HVCN1: variants seen among roughly 807,000 people sequenced by gnomAD.
HVCN1 encodes voltage-gated hydrogen channel 1.
In HVCN1, 14 loss-of-function variants were observed where a neutral mutation model predicts 29.2. The ratio of observed to expected loss-of-function variants is 0.48; its 90% CI spans 0.32 to 0.75. The LOEUF (loss-of-function observed/expected upper bound fraction) is 0.75, where lower values mean the gene tolerates loss of function less well. Ranked by LOEUF, HVCN1 falls within the 30% of genes least tolerant of loss-of-function variation. HVCN1 has a pLI of 0.04. For missense variants in HVCN1, 263 were observed against 341.8 expected (o/e 0.77, Z 1.82); for synonymous variants, 131 against 133.2 (o/e 0.98, Z 0.11).
rs545370127 is a variant in HVCN1 at position 110,650,389 on chromosome 12, C to A, written c.644-109G>T. The A allele has an allele frequency of 7.1e-5, 47 of 659,896 alleles. No homozygotes were observed. The African/African-American group carries it at 8.0e-4, about 11-fold the overall frequency. 40.9% of individuals were successfully genotyped at this position (659,896 alleles called of 1,614,324 possible). ...GAGTTTGGAGGAGTGGTGACAGACA[C>A]GCGAGACAGTCATCACTTTAGGGCA... On this transcript the variant is annotated intron_variant, in intron 6 of 7. Coordinates refer to ENST00000242607, the MANE Select transcript of HVCN1 (RefSeq NM_032369.4).
At chr12:110,688,135 T>A (rs2069267118) in intron 2 of HVCN1, 1 of 152,382 alleles carries the variant, frequency 6.6e-6, no homozygotes, top group Non-Finnish European at 1.5e-5. Flanking sequence ...AACCATGAAC[T>A]TTTGGTAGTA....
At chr12:110,686,378 T>G (rs1181875771) in intron 2 of HVCN1, among the ~76,000 whole-genome samples, 1 of 151,976 alleles carries the variant, frequency 6.6e-6, no homozygotes, top group East Asian at 1.9e-4. Flanking sequence ...CACAGTTACA[T>G]GCTGAGGGTG....
At chr12:110,689,303 C>G (rs2069341462), upstream of HVCN1, 1 of 152,282 alleles carries the variant, frequency 6.6e-6, no homozygotes. The surrounding 1 kb of genome is among the most constrained non-coding windows in gnomAD (Gnocchi z 5.7). Flanking sequence ...TCCACCCGTT[C>G]GTCCCTACCT....
intron 3 of HVCN1, among the ~76,000 whole-genome samples, chr12:110,663,842 TTCC>T (rs1416136032): frequency 2.6e-5 from 4 of 152,200 alleles, no homozygotes; most frequent in Non-Finnish European, 5.9e-5. Context: ...TCTCCTGGTT[TTCC>T]TCCTATCTCA....
rs1331915114 is a variant in HVCN1 at position 110,680,496 on chromosome 12, A to G, written c.21+2729T>C. On this transcript the variant is annotated intron_variant, in intron 3 of 7. Coordinates refer to ENST00000242607, the MANE Select transcript of HVCN1 (RefSeq NM_032369.4). Reference sequence around the variant, plus strand: ...GACCTATAGCCTTGATCTATTTATTACTATTGTGAAAAAAGGAACAAAAGA... The same window carrying G: ...GACCTATAGCCTTGATCTATTTATTGCTATTGTGAAAAAAGGAACAAAAGA... Among the ~76,000 whole-genome samples, 3 of 152,236 alleles carry G rather than the reference A, an allele frequency of 2.0e-5. No homozygotes were observed. The East Asian group carries it at 5.8e-4, about 29-fold the overall frequency.
rs146212442 is a variant in HVCN1 at position 110,677,016 on chromosome 12, C to T, written c.21+6209G>A. ...TTCAGGAGTTCAAGACCAGCCTGGG[C>T]AACAGAGTGAGACTCCGTCTCTACA... On this transcript the variant is annotated intron_variant, in intron 3 of 7. Coordinates refer to ENST00000242607, the MANE Select transcript of HVCN1 (RefSeq NM_032369.4). Among the ~76,000 whole-genome samples, 487 of 152,122 alleles carry T rather than the reference C, an allele frequency of 3.2e-3. 3 individuals carry two copies. The highest frequency in any genetic ancestry group is 0.011 in the African/African-American group (472 of 41,482).
intron 3 of HVCN1, among the ~76,000 whole-genome samples, chr12:110,666,340 G>A (rs527412749): frequency 3.5e-4 from 53 of 151,492 alleles, no homozygotes; most frequent in African/African-American, 1.2e-3. Flanking sequence ...GGAGAATGGC[G>A]TGAACCCAGG....
chr12:110,658,277 G>A lies in HVCN1; in HGVS notation c.306+2887C>T, dbSNP rs915040156. On this transcript the variant is annotated intron_variant, in intron 4 of 7. Transcript: ENST00000242607. This position sits in a 1 kb window ranked among gnomAD's most constrained non-coding sequence, Gnocchi z 5.0. The stretch of plus-strand genomic sequence containing the variant: ...ACCACCCAAGAAAGGGATCCCAGGA[G>A]CTTCCTGGATGCCGATCCTACCTGC... Among the ~76,000 whole-genome samples, 1 of 152,110 alleles carries A rather than the reference G, an allele frequency of 6.6e-6. No individual in the cohort carries two copies. Among genetic ancestry groups the A allele is most frequent in the East Asian group, 1.9e-4 (1 of 5,196 alleles).
rs1346961747 is a variant in HVCN1 at position 110,661,279 on chromosome 12, C to A, written c.191G>T (p.Gly64Val). The A allele has an allele frequency of 1.9e-6, 3 of 1,614,082 alleles. No individual in the cohort carries two copies. Among genetic ancestry groups the A allele is most frequent in the African/African-American group, 2.7e-5 (2 of 74,934 alleles). Residue 64 changes from glycine (G) to valine (V), a missense_variant, in exon 4 of 8, where the codon GGC becomes GTC. Physicochemically the swap from Gly to Val is moderately radical, Grantham distance 109. Around this residue, in one of 3 missense-constraint regions of HVCN1, gnomAD observed 157 missense variants for 181.3 expected, o/e 0.87. Coordinates refer to ENST00000242607, the MANE Select transcript of HVCN1 (RefSeq NM_032369.4). The surrounding 1 kb of genome is among the most constrained non-coding windows in gnomAD (Gnocchi z 6.2). ...EEQPPPTPVS[G>V]EEGRAAAPDV... ...AGGGGCTGCAGCTCTGCCTTCCTCG[C>A]CTGAGACTGGTGTGGGTGGTGGCTG...
chr12:110,698,370 C>G (rs1649987856), intron 2 of HVCN1, among the ~76,000 whole-genome samples: 1 of 152,186 alleles, frequency 6.6e-6, no homozygotes, highest in Admixed American at 6.6e-5. Context: ...GAAATATGCT[C>G]TAACTCACTT....
Position 110,651,199 on chromosome 12 carries a change from G to A in HVCN1, c.643+18C>T. Reference sequence around the variant, plus strand: ...GCCCCTACTCTCCATCCACAGCCTGGGAGTGCAGGAGACGTACCATTGATG... The same window carrying A: ...GCCCCTACTCTCCATCCACAGCCTGAGAGTGCAGGAGACGTACCATTGATG... On this transcript the variant is annotated intron_variant, in intron 6 of 7. Coordinates refer to ENST00000242607, the MANE Select transcript of HVCN1 (RefSeq NM_032369.4). 1 of 1,571,368 alleles carries A rather than the reference G, an allele frequency of 6.4e-7. No individual in the cohort carries two copies. The highest frequency in any genetic ancestry group is 8.8e-7 in the Non-Finnish European group (1 of 1,141,404).
At chr12:110,674,899 T>C (rs1278263714) in intron 3 of HVCN1, among the ~76,000 whole-genome samples, 1 of 152,060 alleles carries the variant, frequency 6.6e-6, no homozygotes, top group Non-Finnish European at 1.5e-5. Context: ...GGGAGTTAAG[T>C]GGTGAATGAA....
chr12:110,682,857 GGAGGCT>G (rs2069031054), intron 3 of HVCN1: 1 of 285,926 alleles, frequency 3.5e-6, no homozygotes, highest in Non-Finnish European at 6.8e-6. Context: ...CAGCTACTTG[GGAGGCT>G]GAGGCAGGAA....
chr12:110,665,556 C>CAA (rs56307913), intron 3 of HVCN1, among the ~76,000 whole-genome samples: 6 of 111,242 alleles, frequency 5.4e-5, no homozygotes, highest in Admixed American at 9.9e-5. Context: ...AACTCCATCT[C>CAA]AAAAAAAAAA....
Position 110,661,700 on chromosome 12 carries a change from A to G in HVCN1, c.22-252T>C, listed in dbSNP as rs1342054327. Among the ~76,000 whole-genome samples, 1 of 152,162 alleles carries G rather than the reference A, an allele frequency of 6.6e-6. No individual in the cohort carries two copies. Among genetic ancestry groups the G allele is most frequent in the Non-Finnish European group, 1.5e-5 (1 of 68,030 alleles). On this transcript the variant is annotated intron_variant, in intron 3 of 7. Transcript: ENST00000242607. This position sits in a 1 kb window ranked among gnomAD's most constrained non-coding sequence, Gnocchi z 6.2. ...ACTGTGGTCTGGTTGGCAGTAACCAACGGAATCAGTACTGCAGCCCGGTCC... is the reference window on the plus strand; with the variant it reads ...ACTGTGGTCTGGTTGGCAGTAACCAGCGGAATCAGTACTGCAGCCCGGTCC...
chr12:110,670,251 G>A (rs2068528363), intron 3 of HVCN1, among the ~76,000 whole-genome samples: 1 of 152,080 alleles, frequency 6.6e-6, no homozygotes, highest in Non-Finnish European at 1.5e-5. Context: ...TCTGTGGGAG[G>A]GGGAAAGTCC....
At chr12:110,657,361 G>A (rs556811370) in intron 4 of HVCN1, among the ~76,000 whole-genome samples, 99 of 152,232 alleles carry the variant, frequency 6.5e-4, no homozygotes, top group Non-Finnish European at 1.2e-3. Context: ...TGGGCATGAT[G>A]GTGTGTGCCT....
At chr12:110,670,901 G>T (rs1243128041) in intron 3 of HVCN1, among the ~76,000 whole-genome samples, 1 of 152,140 alleles carries the variant, frequency 6.6e-6, no homozygotes, top group South Asian at 2.1e-4. Context: ...CTTACAAAAA[G>T]AGAAAAGGGG....
chr12:110,655,457 A>T (rs2067957815), intron 4 of HVCN1, 119 bp from the exon 5 acceptor site: 1 of 713,660 alleles, frequency 1.4e-6, no homozygotes, highest in Admixed American at 2.2e-5. Context: ...GCCATTAAGG[A>T]TGGGAGGCTA....
Sources: gnomAD v4.1 joint callset for allele counts (sites outside exome capture counted in the v4.1 genomes callset) on GRCh38, gnomAD v4.1.1 for gene constraint, gnomAD v4.1.1 regional missense constraint, Gnocchi (gnomAD v3.1) non-coding constraint, MANE v1.5 for transcripts, NCBI Gene and HGNC (gene_info 2026-07-23, HGNC 2026-07-21) for gene names.